The following ADGRG6 variants were observed in gnomAD, a reference collection of about 807,000 sequenced individuals.
ADGRG6 encodes G-protein coupled receptor 126.
A neutral mutation model predicts 142.4 loss-of-function variants in ADGRG6; 84 were observed. The ratio of observed to expected loss-of-function variants is 0.59; its 90% CI spans 0.49 to 0.71. ADGRG6 has a LOEUF of 0.71. Among genes scored for constraint, ADGRG6 ranks in the 30% least tolerant of loss-of-function variants. The probability of loss-of-function intolerance (pLI) is 0.00; values close to 1 mark genes in which losing one functional copy is unlikely to be tolerated. For synonymous variants in ADGRG6, 521 were observed against 520.5 expected (o/e 1.00, Z -0.01); for missense variants, 1,367 against 1,466.6 (o/e 0.93, Z 1.11).
intron 4 of ADGRG6, among the ~76,000 whole-genome samples, chr6:142,373,881 C>CTTTTTTTTTTTTTTTTTTTTTTT (rs769498618): frequency 3.2e-5 from 3 of 93,868 alleles, no homozygotes; most frequent in East Asian, 2.9e-4. Context: ...TTTTTCTTTT[C>CTTTTTTTTTTTTTTTTTTTTTTT]TTTTTTTTTT....
At position 142,445,251 on chromosome 6, in the gene ADGRG6, G is replaced by C. The variant is rs1177143285; in HGVS notation, c.*1736G>C. 8.5e-5 allele frequency: 13 copies of C among 152,154 alleles called. No homozygotes were observed. The East Asian group carries it at 2.5e-3, about 29-fold the overall frequency. The allele number at this position is 152,154 out of a possible 1,614,324, so 9.4% of individuals were successfully genotyped here. A position where few individuals can be genotyped will look rare whatever the true frequency, so the allele number is the denominator to read the frequency against. ...GGGGAGGGTTGTATTCAGTAAAAAA[G>C]AATAGTAAATATAAGGTCACTGAGA... On this transcript the variant is annotated 3_prime_UTR_variant, in exon 25 of 25. Transcript: ENST00000367609.
chr6:142,401,968 T>C, intron 11 of ADGRG6, 26 bp from the exon 12 acceptor site: 3 of 1,137,178 alleles, frequency 2.6e-6, no homozygotes, highest in Non-Finnish European at 3.9e-6. Flanking sequence ...ATATCAAATA[T>C]TTAAAATATC....
chr6:142,423,446 T>C (rs572885893), intron 22 of ADGRG6, among the ~76,000 whole-genome samples: 6,185 of 152,202 alleles, frequency 0.041, 256 homozygotes, highest in Middle Eastern at 0.11. Context: ...CCATTGCTTG[T>C]TTTTCTCAGG....
At chr6:142,365,874 C>A (rs1417230088) in intron 2 of ADGRG6, among the ~76,000 whole-genome samples, 1 of 152,074 alleles carries the variant, frequency 6.6e-6, no homozygotes, top group Non-Finnish European at 1.5e-5. Flanking sequence ...TAGTAACTAC[C>A]ATTTTTCAAG....
intron 15 of ADGRG6, among the ~76,000 whole-genome samples, chr6:142,406,725 G>A (rs1232382689): frequency 6.6e-6 from 1 of 152,086 alleles, no homozygotes; most frequent in Non-Finnish European, 1.5e-5. Context: ...TTATATGAAT[G>A]CAATTTATAT....
At chr6:142,376,170 T>C (rs1414854991) in intron 4 of ADGRG6, among the ~76,000 whole-genome samples, 1 of 152,150 alleles carries the variant, frequency 6.6e-6, no homozygotes, top group Non-Finnish European at 1.5e-5. Flanking sequence ...GTGGACTCTT[T>C]AATTATAGGT....
intron 2 of ADGRG6, among the ~76,000 whole-genome samples, chr6:142,325,567 T>C (rs1254654992): frequency 6.6e-6 from 1 of 152,170 alleles, no homozygotes; most frequent in Non-Finnish European, 1.5e-5. Context: ...GAATTGTATG[T>C]TTTGGATTTT....
Position 142,383,942 on chromosome 6 carries a change from T to G in ADGRG6, c.1222+99T>G, listed in dbSNP as rs558256088. On this transcript the variant is annotated intron_variant, in intron 6 of 24. Transcript: ENST00000367609. ...ATTATTCCAACAAAGTGTCTGTTAC[T>G]GGAGTCAATTGGTACATTTGTAGGT... The G allele has an allele frequency of 2.0e-5, 13 of 662,888 alleles. 2 individuals are homozygous for G. In the South Asian group the frequency reaches 2.4e-4, roughly 12 times the overall value. 41.1% of individuals were successfully genotyped at this position (662,888 alleles called of 1,614,324 possible). A position where few individuals can be genotyped will look rare whatever the true frequency, so the allele number is the denominator to read the frequency against.
At chr6:142,307,972 C>T (rs1020826654) in intron 1 of ADGRG6, among the ~76,000 whole-genome samples, 1 of 151,942 alleles carries the variant, frequency 6.6e-6, no homozygotes, top group Non-Finnish European at 1.5e-5. Context: ...ACATGAATAA[C>T]CAATTTCATT....
intron 11 of ADGRG6, 55 bp from the exon 12 acceptor site, chr6:142,401,939 G>C: frequency 1.2e-6 from 1 of 809,884 alleles, no homozygotes; most frequent in Non-Finnish European, 2.1e-6. Flanking sequence ...CCTTTAAGCA[G>C]TACAAAATAA....
rs767544205 is a variant in ADGRG6 at position 142,383,841 on chromosome 6, A to C, written c.1220A>C (p.Asn407Thr). 3.4e-6 allele frequency: 5 copies of C among 1,466,024 alleles called. No homozygotes were observed. In the East Asian group the frequency reaches 1.1e-4, roughly 33 times the overall value. 90.8% of individuals were successfully genotyped at this position (1,466,024 alleles called of 1,614,324 possible). Residue 407 changes from asparagine (N) to threonine (T), a missense_variant and splice_region_variant, in exon 6 of 25, where the codon AAT becomes ACT. Asn to Thr is a moderately conservative substitution (Grantham distance 65, BLOSUM62 0). Around this residue, in one of 3 missense-constraint regions of ADGRG6, gnomAD observed 737 missense variants for 746.5 expected, o/e 0.99. Transcript: ENST00000367609. The part of the protein sequence containing the change: ...PVTNRIDKQR[N>T]DGIIYRISVV... ...ACTAACAGAATCGATAAACAAAGGA[A>C]TGGTAAGAAATCATTACCTTTTATA...
intron 9 of ADGRG6, among the ~76,000 whole-genome samples, chr6:142,395,417 A>AGATATAGCC: frequency 1.3e-5 from 2 of 151,440 alleles, no homozygotes; most frequent in East Asian, 3.9e-4. Flanking sequence ...TGGGTTTGGT[A>AGATATAGCC]GATATAGCCA....
At chr6:142,410,005 C>T (rs919842502) in intron 17 of ADGRG6, 86 bp downstream of exon 17, 2 of 565,870 alleles carry the variant, frequency 3.5e-6, no homozygotes, top group African/African-American at 3.9e-5. Flanking sequence ...TTTAATTCCA[C>T]CCCAAACCAG....
chr6:142,311,640 C>A (rs1417351411), intron 2 of ADGRG6, among the ~76,000 whole-genome samples: 1 of 151,830 alleles, frequency 6.6e-6, no homozygotes, highest in African/African-American at 2.4e-5. Context: ...GATGTTATAT[C>A]CCTGTTTACA....
At chr6:142,377,011 G>A (rs1781531993) in intron 4 of ADGRG6, among the ~76,000 whole-genome samples, 1 of 152,170 alleles carries the variant, frequency 6.6e-6, no homozygotes. Flanking sequence ...AATTTGGAAA[G>A]TACAACAGAT....
intron 22 of ADGRG6, among the ~76,000 whole-genome samples, chr6:142,428,937 G>C (rs1379008646): frequency 6.6e-6 from 1 of 152,090 alleles, no homozygotes; most frequent in Admixed American, 6.5e-5. Context: ...TCTTAACATA[G>C]TTGAATTACA....
intron 2 of ADGRG6, among the ~76,000 whole-genome samples, chr6:142,342,072 C>G (rs971853425): frequency 3.9e-5 from 6 of 151,994 alleles, no homozygotes; most frequent in African/African-American, 1.2e-4. Context: ...GCATTAGCAA[C>G]TGAACTGGCT....
At chr6:142,358,778 G>A (rs977680498) in intron 2 of ADGRG6, among the ~76,000 whole-genome samples, 1 of 151,818 alleles carries the variant, frequency 6.6e-6, no homozygotes, top group South Asian at 2.1e-4. Context: ...GGTGGCACAT[G>A]CCTGTAGTCC....
At chr6:142,410,568 T>C (rs1776029969) in intron 17 of ADGRG6, among the ~76,000 whole-genome samples, 2 of 152,064 alleles carry the variant, frequency 1.3e-5, no homozygotes. Context: ...GCCAGATTCA[T>C]TCTGATATAA....
Sources: allele counts gnomAD v4.1 joint callset (sites outside exome capture counted in the v4.1 genomes callset), GRCh38; gene constraint gnomAD v4.1.1; regional missense constraint gnomAD v4.1.1; transcripts MANE v1.5; gene names NCBI Gene and HGNC (gene_info 2026-07-23, HGNC 2026-07-21).